The following EP400 variants were observed in gnomAD, a reference collection of about 807,000 sequenced individuals.
EP400 encodes the protein E1A binding protein p400.
EP400 carries 105 observed loss-of-function variants against 354.1 expected under a neutral mutation model. The observed-to-expected ratio is 0.30, with a 90% CI of 0.25 to 0.35. EP400 has a LOEUF of 0.35. Among genes scored for constraint, EP400 ranks in the 10% least tolerant of loss-of-function variants. The pLI is 1.00. For missense variants in EP400, 3,280 were observed against 4,121.0 expected (o/e 0.80, Z 5.59); for synonymous variants, 1,646 against 1,716.9 (o/e 0.96, Z 1.02).
At chr12:132,016,365 T>C (rs1448492175) in intron 19 of EP400, among the ~76,000 whole-genome samples, 3 of 152,160 alleles carry the variant, frequency 2.0e-5, no homozygotes, top group Middle Eastern at 3.2e-3. Flanking sequence ...TGCTTTTTTT[T>C]TCTTTTTTTT....
At position 132,054,922 on chromosome 12, in the gene EP400, TGCA is replaced by T; in HGVS notation, c.7729-50_7729-48del. The T allele has an allele frequency of 6.4e-7, 1 of 1,573,926 alleles. No homozygotes were observed. Among genetic ancestry groups the T allele is most frequent in the East Asian group, 2.2e-5 (1 of 44,662 alleles). On this transcript the variant is annotated intron_variant, in intron 43 of 52. Coordinates refer to ENST00000389561, the MANE Select transcript of EP400 (RefSeq NM_015409.5). This position sits in a 1 kb window ranked among gnomAD's most constrained non-coding sequence, Gnocchi z 4.0. Reference sequence around the variant, plus strand: ...GAAGTGGAAGCCTTTGGAGGATTTATGCAGGGGAGAGCCTGACGTGAAATTCAA... The same window carrying T: ...GAAGTGGAAGCCTTTGGAGGATTTATGGGGAGAGCCTGACGTGAAATTCAA...
chr12:132,063,750 A>G (rs1895787705), intron 47 of EP400, among the ~76,000 whole-genome samples: 1 of 152,056 alleles, frequency 6.6e-6, no homozygotes, highest in South Asian at 2.1e-4. Context: ...TGTCGGTGGA[A>G]TTTAGACATT....
intron 39 of EP400, among the ~76,000 whole-genome samples, chr12:132,047,216 C>T (rs1247346764): frequency 3.3e-5 from 5 of 152,124 alleles, no homozygotes; most frequent in African/African-American, 7.2e-5. Flanking sequence ...AAGTTTTCTT[C>T]GTAATACCAC....
chr12:131,968,750 C>G lies in EP400; in HGVS notation c.1335+6796C>G, dbSNP rs554150561. On this transcript the variant is annotated intron_variant, in intron 2 of 52. Coordinates refer to ENST00000389561, the MANE Select transcript of EP400 (RefSeq NM_015409.5). ...TTCAGTATTCTTTGATTTCTTTCATCAACATTTTGTAACTTTCAGCATACC... is the reference window on the plus strand; with the variant it reads ...TTCAGTATTCTTTGATTTCTTTCATGAACATTTTGTAACTTTCAGCATACC... 2.1e-4 allele frequency among the ~76,000 whole-genome samples: 32 copies of G among 152,226 alleles called. No homozygotes were observed. In the South Asian group the frequency reaches 6.4e-3, roughly 31 times the overall value.
rs375196310 is a variant in EP400, at chr12:132,023,928, G to A, written c.4842G>A (p.Pro1614=). The A allele has an allele frequency of 2.2e-5, 36 of 1,604,794 alleles. No individual in the cohort carries two copies. The highest frequency in any genetic ancestry group is 6.7e-5 in the South Asian group (6 of 90,066). The change falls in exon 24 of 53, where the codon CCG becomes CCA. Residue 1614 remains proline (P), a synonymous_variant. Coordinates refer to ENST00000389561, the MANE Select transcript of EP400 (RefSeq NM_015409.5). ...SQLRQLTAGQ[P]LQLQGSVLQI... is the part of the protein sequence containing the mutation. ...TCCGGCAGCTCACAGCGGGCCAGCCGCTGCAGCTGCAAGGTAAGGATAAGG... is the reference window on the plus strand; with the variant it reads ...TCCGGCAGCTCACAGCGGGCCAGCCACTGCAGCTGCAAGGTAAGGATAAGG...
At position 131,990,770 on chromosome 12, in the gene EP400, T is replaced by C; in HGVS notation, c.2629+56T>C. 1 of 1,352,342 alleles carries C rather than the reference T, an allele frequency of 7.4e-7. No individual in the cohort carries two copies. The allele number at this position is 1,352,342 out of a possible 1,614,324, so 83.8% of individuals were successfully genotyped here. On this transcript the variant is annotated intron_variant, in intron 9 of 52. Transcript: ENST00000389561. The surrounding 1 kb of genome is among the most constrained non-coding windows in gnomAD (Gnocchi z 4.2). ...CTTGGGTGGTATTTTGTTCGGATTCTTTTCTCAGCAGGCAGTCTCCTGGCG... is the reference window on the plus strand; with the variant it reads ...CTTGGGTGGTATTTTGTTCGGATTCCTTTCTCAGCAGGCAGTCTCCTGGCG...
chr12:132,038,217 C>G lies in EP400; in HGVS notation c.6207+121C>G. On this transcript the variant is annotated intron_variant, in intron 32 of 52. Coordinates refer to ENST00000389561, the MANE Select transcript of EP400 (RefSeq NM_015409.5). This position sits in a 1 kb window ranked among gnomAD's most constrained non-coding sequence, Gnocchi z 4.2. ...CTTCCCTGGCCTGAAGCCCTCTTCC[C>G]GTCCCTGCTTTTGGAACCTCCCCAC... is the stretch of plus-strand genomic sequence containing the variant. 1 of 1,305,840 alleles carries G rather than the reference C, an allele frequency of 7.7e-7. No individual in the cohort carries two copies. Among genetic ancestry groups the G allele is most frequent in the South Asian group, 1.4e-5 (1 of 69,582 alleles). 80.9% of individuals were successfully genotyped at this position (1,305,840 alleles called of 1,614,324 possible).
rs1344700004 is a variant in EP400 at position 132,076,497 on chromosome 12, T to A, written c.9022-19T>A. ...TACTCCTTTGAATTGTATGTTTGGC[T>A]TTTTTTGTTTTGTCAAAGGTTGCAA... is the stretch of plus-strand genomic sequence containing the variant. On this transcript the variant is annotated intron_variant, in intron 51 of 52. Coordinates refer to ENST00000389561, the MANE Select transcript of EP400 (RefSeq NM_015409.5). The A allele has an allele frequency of 6.2e-7, 1 of 1,612,854 alleles. No homozygotes were observed. Among genetic ancestry groups the A allele is most frequent in the East Asian group, 2.2e-5 (1 of 44,870 alleles).
intron 2 of EP400, among the ~76,000 whole-genome samples, chr12:131,968,709 G>T (rs948579457): frequency 2.0e-5 from 3 of 152,154 alleles, no homozygotes; most frequent in Non-Finnish European, 4.4e-5. Context: ...TGAATATGGT[G>T]TATCTCTCCA....
chr12:131,990,624 C>T lies in EP400; in HGVS notation c.2551-12C>T. Reference sequence around the variant, plus strand: ...TAGTAATGTGCTTATTCATTTAATCCTTTGCATTTAGGTTGTGGAAATAAA... The same window carrying T: ...TAGTAATGTGCTTATTCATTTAATCTTTTGCATTTAGGTTGTGGAAATAAA... On this transcript the variant is annotated splice_polypyrimidine_tract_variant and intron_variant, in intron 8 of 52. Coordinates refer to ENST00000389561, the MANE Select transcript of EP400 (RefSeq NM_015409.5). The surrounding 1 kb of genome is among the most constrained non-coding windows in gnomAD (Gnocchi z 4.2). The T allele has an allele frequency of 6.3e-7, 1 of 1,586,972 alleles. No individual in the cohort carries two copies. The highest frequency in any genetic ancestry group is 8.6e-7 in the Non-Finnish European group (1 of 1,159,804).
At chr12:131,954,227 A>G (rs77470820) in intron 1 of EP400, among the ~76,000 whole-genome samples, 1 of 144,946 alleles carries the variant, frequency 6.9e-6, no homozygotes, top group South Asian at 2.1e-4. Context: ...CTTAAAATTA[A>G]AAAAAAAAAA....
Position 132,076,960 on chromosome 12 carries a change from T to C in EP400, c.9099+367T>C, listed in dbSNP as rs1896256110. On this transcript the variant is annotated intron_variant, in intron 52 of 52. Coordinates refer to ENST00000389561, the MANE Select transcript of EP400 (RefSeq NM_015409.5). The stretch of plus-strand genomic sequence containing the variant: ...AGAGGCGCTGTGGGCACAGTGGCCT[T>C]GCCTCCCACAGAAGCCCTTCAGGCG... 2.0e-5 allele frequency among the ~76,000 whole-genome samples: 3 copies of C among 152,242 alleles called. No homozygotes were observed. In the South Asian group the frequency reaches 6.2e-4, roughly 31 times the overall value.
At chr12:131,965,886 T>C (rs185437298) in intron 2 of EP400, among the ~76,000 whole-genome samples, 1 of 152,206 alleles carries the variant, frequency 6.6e-6, no homozygotes, top group Admixed American at 6.5e-5. Context: ...TTGGGTTGTT[T>C]CCAGTTTTCA....
intron 51 of EP400, among the ~76,000 whole-genome samples, chr12:132,071,556 G>A (rs1472968812): frequency 6.6e-6 from 1 of 152,234 alleles, no homozygotes; most frequent in Non-Finnish European, 1.5e-5. Context: ...GAGACCTGGA[G>A]CAGCCGCTTC....
At chr12:132,039,114 T>G (rs1203082342) in intron 32 of EP400, among the ~76,000 whole-genome samples, 2 of 152,132 alleles carry the variant, frequency 1.3e-5, no homozygotes, top group Non-Finnish European at 2.9e-5. Flanking sequence ...CCTCCTTGCC[T>G]GTGCTCAGCT....
At chr12:132,064,031 C>A (rs1035146881) in intron 47 of EP400, among the ~76,000 whole-genome samples, 8 of 149,090 alleles carry the variant, frequency 5.4e-5, no homozygotes, top group Non-Finnish European at 1.2e-4. Context: ...ATGACCCCCC[C>A]CCGGCCCACA....
At chr12:132,065,262 C>CG in intron 48 of EP400, 1 of 263,444 alleles carries the variant, frequency 3.8e-6, no homozygotes, top group East Asian at 7.4e-5. Context: ...GGGCAGGTGG[C>CG]GGTCTCTGAA....
At chr12:131,956,920 G>T (rs1891721259) in intron 1 of EP400, among the ~76,000 whole-genome samples, 1 of 132,732 alleles carries the variant, frequency 7.5e-6, no homozygotes, top group African/African-American at 2.8e-5. Context: ...TGCCCAGGCT[G>T]GAGTGCAGTG....
Position 132,023,814 on chromosome 12 carries a change from C to T in EP400, c.4728C>T (p.Ile1576=). The T allele has an allele frequency of 6.2e-7, 1 of 1,613,920 alleles. No individual in the cohort carries two copies. Among genetic ancestry groups the T allele is most frequent in the Non-Finnish European group, 8.5e-7 (1 of 1,179,950 alleles). ...EVVKIAQLAS[I]TGPQSRVAQP... Reference sequence around the variant, plus strand: ...TGAAAATAGCTCAGCTGGCATCCATCACAGGACCACAGAGCCGCGTGGCTC... The same window carrying T: ...TGAAAATAGCTCAGCTGGCATCCATTACAGGACCACAGAGCCGCGTGGCTC... The change falls in exon 24 of 53, where the codon ATC becomes ATT. Residue 1576 remains isoleucine, a synonymous_variant. Coordinates refer to ENST00000389561, the MANE Select transcript of EP400 (RefSeq NM_015409.5).
Sources: allele counts gnomAD v4.1 joint callset (sites outside exome capture counted in the v4.1 genomes callset), GRCh38; gene constraint gnomAD v4.1.1; non-coding constraint Gnocchi (gnomAD v3.1); transcripts MANE v1.5; gene names NCBI Gene and HGNC (gene_info 2026-07-23, HGNC 2026-07-21).